Variants in ONECUT3 observed in about 807,000 individuals in gnomAD.
ONECUT3 encodes one cut homeobox 3.
Under a neutral mutation model 16.8 loss-of-function variants are expected in ONECUT3, and 11 were observed. The observed-to-expected ratio is 0.66, with a 90% CI of 0.41 to 1.09. The LOEUF (loss-of-function observed/expected upper bound fraction) is 1.09. Among genes scored for constraint, ONECUT3 ranks in the 50% least tolerant of loss-of-function variants. The pLI is 0.00. For synonymous variants in ONECUT3, 344 were observed against 310.7 expected (o/e 1.11, Z -1.13); for missense variants, 637 against 629.9 (o/e 1.01, Z -0.12).
rs1600365817 is a variant in ONECUT3, at chr19:1,775,860, C to T, written c.*415C>T. On this transcript the variant is annotated 3_prime_UTR_variant, in exon 2 of 2. Transcript: ENST00000382349. Reference sequence around the variant, plus strand: ...AAAAATGGAATTTTAAAGAATAACCCCTCCTCCGTCAGATCCCCTGCCCCA... The same window carrying T: ...AAAAATGGAATTTTAAAGAATAACCTCTCCTCCGTCAGATCCCCTGCCCCA... 1 of 154,064 alleles carries T rather than the reference C, an allele frequency of 6.5e-6. No homozygotes were observed. Among genetic ancestry groups the T allele is most frequent in the South Asian group, 2.0e-4 (1 of 4,942 alleles). The allele number at this position is 154,064 out of a possible 1,614,324, so 9.5% of individuals were successfully genotyped here.
chr19:1,757,620 G>T (rs2067923503), intron 1 of ONECUT3, among the ~76,000 whole-genome samples: 1 of 152,110 alleles, frequency 6.6e-6, no homozygotes, highest in South Asian at 2.1e-4. Context: ...TTGCGCACCT[G>T]TCGCGTCTCA....
rs2067972355 is a variant in ONECUT3 at position 1,764,940 on chromosome 19, G to T, written c.1192+10086G>T. 6.6e-6 allele frequency among the ~76,000 whole-genome samples: 1 copy of T among 152,120 alleles called. No individual in the cohort carries two copies. Among genetic ancestry groups the T allele is most frequent in the South Asian group, 2.1e-4 (1 of 4,822 alleles). ...CGGTCATCATCCCAGCCGGAGACCG[G>T]GCTCCATATTGAATTGTCTGCTCCC... On this transcript the variant is annotated intron_variant, in intron 1 of 1. Coordinates refer to ENST00000382349, the MANE Select transcript of ONECUT3 (RefSeq NM_001080488.2). The surrounding 1 kb of genome is among the most constrained non-coding windows in gnomAD (Gnocchi z 5.0).
Position 1,766,226 on chromosome 19 carries a change from C to T in ONECUT3, c.1193-8927C>T, listed in dbSNP as rs2067987630. 2.0e-5 allele frequency among the ~76,000 whole-genome samples: 3 copies of T among 152,240 alleles called. No homozygotes were observed. The highest frequency in any genetic ancestry group is 4.1e-4 in the South Asian group (2 of 4,836). On this transcript the variant is annotated intron_variant, in intron 1 of 1. Transcript: ENST00000382349. This position sits in a 1 kb window ranked among gnomAD's most constrained non-coding sequence, Gnocchi z 4.0. ...CTCGCTCAGACTTCGCCCTCCACCC[C>T]GCCGGGACATTTGGGAAGCCTCAGG...
Position 1,775,531 on chromosome 19 carries a change from A to C in ONECUT3, c.*86A>C. ...CTCCCCACATCCTGCCGGCCCGGAG[A>C]CCCGCCCCCAGGGGGCACCTGGAGG... On this transcript the variant is annotated 3_prime_UTR_variant, in exon 2 of 2. Transcript: ENST00000382349. 1 of 1,346,790 alleles carries C rather than the reference A, an allele frequency of 7.4e-7. No individual in the cohort carries two copies. Among genetic ancestry groups the C allele is most frequent in the Non-Finnish European group, 9.6e-7 (1 of 1,043,686 alleles). 83.4% of individuals were successfully genotyped at this position (1,346,790 alleles called of 1,614,324 possible). A position where few individuals can be genotyped will look rare whatever the true frequency, so the allele number is the denominator to read the frequency against.
intron 1 of ONECUT3, among the ~76,000 whole-genome samples, chr19:1,757,457 G>T (rs181025714): frequency 6.6e-6 from 1 of 152,242 alleles, no homozygotes; most frequent in Non-Finnish European, 1.5e-5. Context: ...AGGGGTGAGC[G>T]CAGCTCCTGG....
At position 1,759,823 on chromosome 19, in the gene ONECUT3, G is replaced by C. The variant is rs1408811781; in HGVS notation, c.1192+4969G>C. 6.6e-6 allele frequency among the ~76,000 whole-genome samples: 1 copy of C among 152,200 alleles called. No homozygotes were observed. Among genetic ancestry groups the C allele is most frequent in the African/African-American group, 2.4e-5 (1 of 41,448 alleles). On this transcript the variant is annotated intron_variant, in intron 1 of 1. Transcript: ENST00000382349. The surrounding 1 kb of genome is among the most constrained non-coding windows in gnomAD (Gnocchi z 4.1). ...CAGGGGTCTGAAGGGGCCACCGTAGGTTTCCACAGGGATGCACGGAGTGTG... is the reference window on the plus strand; with the variant it reads ...CAGGGGTCTGAAGGGGCCACCGTAGCTTTCCACAGGGATGCACGGAGTGTG...
chr19:1,766,808 A>ACC lies in ONECUT3; in HGVS notation c.1193-8336_1193-8335dup, dbSNP rs147601844. Reference sequence around the variant, plus strand: ...GCAGGGTCTTGCAGGCTGGGCTGAGACCCCCCCCCCATGCTCCACCACCCT... The same window carrying ACC: ...GCAGGGTCTTGCAGGCTGGGCTGAGACCCCCCCCCCCCATGCTCCACCACCCT... On this transcript the variant is annotated intron_variant, in intron 1 of 1. Transcript: ENST00000382349. This position sits in a 1 kb window ranked among gnomAD's most constrained non-coding sequence, Gnocchi z 4.0. Among the ~76,000 whole-genome samples, 40 of 132,994 alleles carry ACC rather than the reference A, an allele frequency of 3.0e-4. No homozygotes were observed. The highest frequency in any genetic ancestry group is 1.1e-3 in the African/African-American group (39 of 37,026). 87.2% of individuals were successfully genotyped at this position (132,994 alleles called of 152,430 possible).
In ONECUT3 at chr19:1,764,470, G is replaced by T. The variant is rs567898581; in HGVS notation, c.1192+9616G>T. Among the ~76,000 whole-genome samples, 1 of 152,310 alleles carries T rather than the reference G, an allele frequency of 6.6e-6. No homozygotes were observed. The highest frequency in any genetic ancestry group is 2.4e-5 in the African/African-American group (1 of 41,570). ...GGTGGGGACAAGAGGGAGGCTGGGCGCCTGCTGAGGCCAAGGTGGGCTCCG... is the reference window on the plus strand; with the variant it reads ...GGTGGGGACAAGAGGGAGGCTGGGCTCCTGCTGAGGCCAAGGTGGGCTCCG... On this transcript the variant is annotated intron_variant, in intron 1 of 1. Coordinates refer to ENST00000382349, the MANE Select transcript of ONECUT3 (RefSeq NM_001080488.2). The surrounding 1 kb of genome is among the most constrained non-coding windows in gnomAD (Gnocchi z 5.0).
intron 1 of ONECUT3, among the ~76,000 whole-genome samples, chr19:1,761,466 TA>T (rs1181780933): frequency 6.6e-6 from 1 of 152,166 alleles, no homozygotes; most frequent in Admixed American, 6.5e-5. Context: ...AGCCCTAAAA[TA>T]TAAATGTGGT....
chr19:1,774,689 G>C (rs1228626219), intron 1 of ONECUT3, among the ~76,000 whole-genome samples: 1 of 151,270 alleles, frequency 6.6e-6, no homozygotes, highest in Non-Finnish European at 1.5e-5. Context: ...ACGGGGTTTG[G>C]GGGGTATGAG....
chr19:1,761,241 C>A (rs559296950), intron 1 of ONECUT3, among the ~76,000 whole-genome samples: 13 of 151,886 alleles, frequency 8.6e-5, no homozygotes, highest in Admixed American at 1.3e-4. Flanking sequence ...TTAGTAGAGA[C>A]CGGGTTTCAC....
In ONECUT3 at chr19:1,775,478, C is replaced by T. The variant is rs1004502251; in HGVS notation, c.*33C>T. ...CGGCCCCGCGCCCTCCCTGCCTCCA[C>T]GGCCTGGGCGCTGTGCCCCCACGTC... On this transcript the variant is annotated 3_prime_UTR_variant, in exon 2 of 2. Transcript: ENST00000382349. 2.1e-6 allele frequency: 3 copies of T among 1,432,286 alleles called. No individual in the cohort carries two copies. The highest frequency in any genetic ancestry group is 3.0e-5 in the African/African-American group (2 of 66,000). The allele number at this position is 1,432,286 out of a possible 1,614,324, so 88.7% of individuals were successfully genotyped here. A position where few individuals can be genotyped will look rare whatever the true frequency, so the allele number is the denominator to read the frequency against.
In ONECUT3 at chr19:1,780,973, T is replaced by TAAAAAAAAAAA. The variant is rs3051476; in HGVS notation, c.*5533_*5543dup. ...ACCCTTGGGCGACAGGCTTAAAAGCTAAAAAAAAAAAAAAATCTCGTCATT... is the reference window on the plus strand; with the variant it reads ...ACCCTTGGGCGACAGGCTTAAAAGCTAAAAAAAAAAAAAAAAAAAAAAAAAATCTCGTCATT... On this transcript the variant is annotated 3_prime_UTR_variant, in exon 2 of 2. Coordinates refer to ENST00000382349, the MANE Select transcript of ONECUT3 (RefSeq NM_001080488.2). 14 of 138,728 alleles carry TAAAAAAAAAAA rather than the reference T, an allele frequency of 1.0e-4. No individual in the cohort carries two copies. The highest frequency in any genetic ancestry group is 3.7e-4 in the African/African-American group (13 of 35,506). 8.6% of individuals were successfully genotyped at this position (138,728 alleles called of 1,614,324 possible).
rs2068138845 is a variant in ONECUT3, at chr19:1,779,448, GGAGA to G, written c.*4011_*4014del. The G allele has an allele frequency of 6.6e-6, 1 of 151,542 alleles. No homozygotes were observed. The highest frequency in any genetic ancestry group is 1.5e-5 in the Non-Finnish European group (1 of 67,906). The allele number at this position is 151,542 out of a possible 1,614,324, so 9.4% of individuals were successfully genotyped here. ...GAGAGAGAGGGAGAGAGAGGGAGAG[GGAGA>G]GAGAGAGGCAGAGGTATACCTTTCT... is the stretch of plus-strand genomic sequence containing the variant. On this transcript the variant is annotated 3_prime_UTR_variant, in exon 2 of 2. Coordinates refer to ENST00000382349, the MANE Select transcript of ONECUT3 (RefSeq NM_001080488.2).
At chr19:1,760,052 G>A (rs923098186) in intron 1 of ONECUT3, among the ~76,000 whole-genome samples, 1 of 152,218 alleles carries the variant, frequency 6.6e-6, no homozygotes, top group African/African-American at 2.4e-5. Flanking sequence ...AGATGGGGAG[G>A]GGTCCCACTG....
chr19:1,759,505 G>A lies in ONECUT3; in HGVS notation c.1192+4651G>A, dbSNP rs1318073745. 6.6e-6 allele frequency among the ~76,000 whole-genome samples: 1 copy of A among 152,036 alleles called. No individual in the cohort carries two copies. The highest frequency in any genetic ancestry group is 1.5e-5 in the Non-Finnish European group (1 of 67,986). ...AGAGGAGGAGGAGGAGGAGAGGGAA[G>A]GGAGGGAAGGAAGGGGAGAGAGGAG... On this transcript the variant is annotated intron_variant, in intron 1 of 1. Transcript: ENST00000382349. The surrounding 1 kb of genome is among the most constrained non-coding windows in gnomAD (Gnocchi z 4.1).
Position 1,778,865 on chromosome 19 carries a change from A to AACACACACACACACAC in ONECUT3, c.*3420_*3421insACACACACACACACAC, listed in dbSNP as rs1186684164. On this transcript the variant is annotated 3_prime_UTR_variant, in exon 2 of 2. Transcript: ENST00000382349. ...CTGGATCCTTTTCAGATATCTTCGTATCACACACACACACACACACACACA... is the reference window on the plus strand; with the variant it reads ...CTGGATCCTTTTCAGATATCTTCGTAACACACACACACACACTCACACACACACACACACACACACA... The AACACACACACACACAC allele has an allele frequency of 2.2e-5, 2 of 92,112 alleles. No individual in the cohort carries two copies. The highest frequency in any genetic ancestry group is 4.3e-5 in the Non-Finnish European group (2 of 46,864). 5.7% of individuals were successfully genotyped at this position (92,112 alleles called of 1,614,324 possible).
Position 1,775,376 on chromosome 19 carries a change from C to T in ONECUT3, c.1416C>T (p.Arg472=), listed in dbSNP as rs1206347281. The part of the protein sequence containing the change: ...FMNARRRCMN[R]WAEEPSTAPG... ...ACGCGCGGCGCCGCTGCATGAACCG[C>T]TGGGCTGAGGAGCCCAGCACGGCCC... The change falls in exon 2 of 2, where the codon CGC becomes CGT. Residue 472 remains arginine (R), a synonymous_variant. Transcript: ENST00000382349. The T allele has an allele frequency of 2.2e-6, 3 of 1,338,948 alleles. No individual in the cohort carries two copies. The highest frequency in any genetic ancestry group is 2.2e-5 in the Admixed American group (1 of 45,620). The allele number at this position is 1,338,948 out of a possible 1,614,324, so 82.9% of individuals were successfully genotyped here.
At chr19:1,771,805 G>A (rs1344707126) in intron 1 of ONECUT3, among the ~76,000 whole-genome samples, 7 of 151,786 alleles carry the variant, frequency 4.6e-5, no homozygotes, top group African/African-American at 1.7e-4. Context: ...TCAGCATCCT[G>A]AATAACTGGG....
Sources: allele counts gnomAD v4.1 joint callset (sites outside exome capture counted in the v4.1 genomes callset), GRCh38; gene constraint gnomAD v4.1.1; non-coding constraint Gnocchi (gnomAD v3.1); transcripts MANE v1.5; gene names NCBI Gene and HGNC (gene_info 2026-07-23, HGNC 2026-07-21).